The following CACNA1D variants were observed in gnomAD, a reference collection of about 807,000 sequenced individuals.
CACNA1D encodes the protein voltage-dependent L-type calcium channel subunit alpha-1D.
CACNA1D carries 55 observed loss-of-function variants against 257.1 expected under a neutral mutation model. The ratio of observed to expected loss-of-function variants is 0.21; its 90% CI spans 0.17 to 0.27. The LOEUF (loss-of-function observed/expected upper bound fraction) is 0.27, where lower values mean the gene tolerates loss of function less well. Among genes scored for constraint, CACNA1D ranks in the 10% least tolerant of loss-of-function variants. CACNA1D has a pLI of 1.00. For missense variants in CACNA1D, 1,876 were observed against 2,784.0 expected (o/e 0.67, Z 7.34); for synonymous variants, 980 against 1,014.9 (o/e 0.97, Z 0.65).
intron 3 of CACNA1D, among the ~76,000 whole-genome samples, chr3:53,539,930 T>C (rs150297592): frequency 1.1e-3 from 171 of 152,352 alleles, no homozygotes; most frequent in African/African-American, 3.9e-3. Flanking sequence ...AGTCTTTGGT[T>C]CATTTTCCCA....
At chr3:53,754,901 G>T (rs1040888152) in intron 29 of CACNA1D, among the ~76,000 whole-genome samples, 6 of 152,308 alleles carry the variant, frequency 3.9e-5, no homozygotes, top group Middle Eastern at 3.4e-3. Flanking sequence ...TAATCTCTAT[G>T]CAATCTTTAT....
At chr3:53,720,844 C>T (rs2094875818) in intron 11 of CACNA1D, among the ~76,000 whole-genome samples, 1 of 152,208 alleles carries the variant, frequency 6.6e-6, no homozygotes. Context: ...GGTAGTTCCT[C>T]ATAAAGTTTA....
intron 22 of CACNA1D, among the ~76,000 whole-genome samples, chr3:53,744,390 A>C (rs1186529742): frequency 1.3e-5 from 2 of 152,196 alleles, no homozygotes; most frequent in East Asian, 3.9e-4. Context: ...GCAGACCTCC[A>C]ACCTTAAACA....
rs117537972 is a variant in CACNA1D, at chr3:53,644,976, G to C, written c.484-5803G>C. Reference sequence around the variant, plus strand: ...AAGCTTCCCTCTTCTCCATATCTTTGCCAACACTTATCACTTGTCTTTTTG... The same window carrying C: ...AAGCTTCCCTCTTCTCCATATCTTTCCCAACACTTATCACTTGTCTTTTTG... On this transcript the variant is annotated intron_variant, in intron 3 of 47. Transcript: ENST00000350061. 1.4e-3 allele frequency among the ~76,000 whole-genome samples: 219 copies of C among 152,210 alleles called. 3 individuals carry two copies. In the East Asian group the frequency reaches 0.032, roughly 22 times the overall value.
chr3:53,570,665 TC>T (rs2092926912), intron 3 of CACNA1D, among the ~76,000 whole-genome samples: 2 of 152,220 alleles, frequency 1.3e-5, no homozygotes, highest in African/African-American at 2.4e-5. Context: ...AACATACACA[TC>T]CGTGTGTGCC....
At chr3:53,592,337 A>T (rs2093317214) in intron 3 of CACNA1D, among the ~76,000 whole-genome samples, 1 of 152,118 alleles carries the variant, frequency 6.6e-6, no homozygotes, top group African/African-American at 2.4e-5. Flanking sequence ...AGCCTGGCTG[A>T]GAGTGTGTGT....
chr3:53,562,669 T>C (rs770489868), intron 3 of CACNA1D, among the ~76,000 whole-genome samples: 8 of 151,996 alleles, frequency 5.3e-5, no homozygotes, highest in Non-Finnish European at 1.2e-4. Context: ...CCCCAAATTC[T>C]CTTGAACCTG....
intron 3 of CACNA1D, among the ~76,000 whole-genome samples, chr3:53,503,287 G>A (rs961321739): frequency 6.6e-6 from 1 of 152,166 alleles, no homozygotes; most frequent in African/African-American, 2.4e-5. Context: ...GATCATTTGT[G>A]TAACTTTGGA....
At chr3:53,556,275 C>T (rs1050526632) in intron 3 of CACNA1D, among the ~76,000 whole-genome samples, 13 of 152,102 alleles carry the variant, frequency 8.5e-5, no homozygotes, top group African/African-American at 2.9e-4. Context: ...TGTTCACTAG[C>T]GTAAATACCT....
chr3:53,751,617 A>T lies in CACNA1D; in HGVS notation c.3517-132A>T. 1 of 911,898 alleles carries T rather than the reference A, an allele frequency of 1.1e-6. No homozygotes were observed. Among genetic ancestry groups the T allele is most frequent in the Non-Finnish European group, 1.8e-6 (1 of 553,522 alleles). 56.5% of individuals were successfully genotyped at this position (911,898 alleles called of 1,614,324 possible). On this transcript the variant is annotated intron_variant, in intron 27 of 47. Coordinates refer to ENST00000350061, the MANE Select transcript of CACNA1D (RefSeq NM_001128840.3). The surrounding 1 kb of genome is among the most constrained non-coding windows in gnomAD (Gnocchi z 4.3). ...CAGCAGCAGGAAGGGGGTCACTCGT[A>T]ATCATTTTCACCATCGTCCACGGCC... is the stretch of plus-strand genomic sequence containing the variant.
intron 3 of CACNA1D, among the ~76,000 whole-genome samples, chr3:53,502,713 G>A (rs1053719170): frequency 1.1e-4 from 17 of 152,014 alleles, no homozygotes; most frequent in Non-Finnish European, 1.8e-4. Context: ...TGCTAGTATC[G>A]TTTTTACCTC....
Position 53,803,449 on chromosome 3 carries a change from C to G in CACNA1D, c.5462C>G (p.Pro1821Arg). The G allele has an allele frequency of 1.9e-6, 3 of 1,614,230 alleles. No homozygotes were observed. The highest frequency in any genetic ancestry group is 2.5e-6 in the Non-Finnish European group (3 of 1,180,032). ...IRSDSGDEQLPTICREDPEIH... is the reference protein window; with the variant it reads ...IRSDSGDEQLRTICREDPEIH... The stretch of plus-strand genomic sequence containing the variant: ...TCCGACTCAGGAGATGAACAGCTCC[C>G]AACTATTTGCCGGGAAGACCCAGAG... Residue 1821 changes from proline (P) to arginine (R), a missense_variant, in exon 44 of 48, where the codon CCA (proline) becomes CGA (arginine). This residue lies in a region of CACNA1D where 491 missense variants were observed against 554.3 expected (regional missense o/e 0.89). Transcript: ENST00000350061.
At chr3:53,747,616 T>C (rs2095183233) in intron 26 of CACNA1D, among the ~76,000 whole-genome samples, 168 bp downstream of exon 26, 2 of 152,190 alleles carry the variant, frequency 1.3e-5, no homozygotes, top group African/African-American at 2.4e-5. Context: ...AGGGCCTCTT[T>C]CTGTGTAGGT....
intron 3 of CACNA1D, among the ~76,000 whole-genome samples, chr3:53,537,428 C>T (rs1241177096): frequency 6.6e-6 from 1 of 152,114 alleles, no homozygotes; most frequent in Non-Finnish European, 1.5e-5. Context: ...TCAGGTATAT[C>T]ATTTTTTTCT....
intron 33 of CACNA1D, chr3:53,773,799 G>T (rs2095380762): frequency 6.6e-6 from 1 of 152,012 alleles, no homozygotes; most frequent in African/African-American, 2.4e-5. Flanking sequence ...GGTGCTATGT[G>T]CCCTGGAAGG....
chr3:53,555,619 A>T (rs964456872), intron 3 of CACNA1D, among the ~76,000 whole-genome samples: 16 of 151,466 alleles, frequency 1.1e-4, no homozygotes, highest in Admixed American at 9.2e-4. Flanking sequence ...TTCTCTTCAA[A>T]TCATTCTCAA....
At chr3:53,584,673 G>T (rs1456442716) in intron 3 of CACNA1D, among the ~76,000 whole-genome samples, 1 of 152,194 alleles carries the variant, frequency 6.6e-6, no homozygotes, top group Non-Finnish European at 1.5e-5. Context: ...CAGCTTAACT[G>T]TAAGTTCCTT....
Position 53,801,148 on chromosome 3 carries a change from C to T in CACNA1D, c.5131C>T (p.Leu1711=). 1.2e-6 allele frequency: 2 copies of T among 1,614,032 alleles called. No homozygotes were observed. The highest frequency in any genetic ancestry group is 1.7e-6 in the Non-Finnish European group (2 of 1,179,914). Residue 1711 remains leucine (L), a synonymous_variant, in exon 42 of 48, where the codon CTG becomes TTG. Transcript: ENST00000350061. The stretch of plus-strand genomic sequence containing the variant: ...GCAGACCAATACCACCCACCGTCCC[C>T]TGCATGTCCAAAGGCCTTCAATTCC... ...LQQTNTTHRP[L]HVQRPSIPPA...
intron 9 of CACNA1D, among the ~76,000 whole-genome samples, chr3:53,703,839 C>A (rs3774532): frequency 0.3 from 45,575 of 151,952 alleles, 7,048 homozygotes; most frequent in Middle Eastern, 0.36. Context: ...GAGAGACAGG[C>A]CTGTCACACT....
Sources: allele counts gnomAD v4.1 joint callset (sites outside exome capture counted in the v4.1 genomes callset), GRCh38; gene constraint gnomAD v4.1.1; regional missense constraint gnomAD v4.1.1; non-coding constraint Gnocchi (gnomAD v3.1); transcripts MANE v1.5; gene names NCBI Gene and HGNC (gene_info 2026-07-23, HGNC 2026-07-21).